Variants in CNTN6 observed in about 807,000 individuals in gnomAD.
The protein encoded by CNTN6 is contactin 6.
A neutral mutation model predicts 122.8 loss-of-function variants in CNTN6; 137 were observed. The observed-to-expected ratio is 1.12, with a 90% CI of 0.97 to 1.29. The LOEUF is 1.29. Ranked by LOEUF, CNTN6 falls within the 50% of genes most tolerant of loss-of-function variation. The pLI, the probability that CNTN6 is intolerant of heterozygous loss-of-function variation, is 0.00. For synonymous variants in CNTN6, 570 were observed against 426.0 expected, an observed-to-expected ratio of 1.34 and a Z score of -4.16; for missense variants, 1,634 against 1,223.4, an observed-to-expected ratio of 1.34 and a Z score of -5.01.
chr3:1,397,981 G>A (rs1433060259), intron 20 of CNTN6, among the ~76,000 whole-genome samples: 2 of 152,078 alleles, frequency 1.3e-5, no homozygotes, highest in African/African-American at 4.8e-5. Context: ...GAAACCATTA[G>A]AATTCTGAGG....
At chr3:1,156,691 CCCT>C (rs2092974352) in intron 2 of CNTN6, among the ~76,000 whole-genome samples, 1 of 56,618 alleles carries the variant, frequency 1.8e-5, no homozygotes, top group African/African-American at 1.0e-4. Flanking sequence ...TTCCCTCCCT[CCCT>C]TCCTTCCTTC....
intron 7 of CNTN6, among the ~76,000 whole-genome samples, chr3:1,298,916 C>A (rs1559749552): frequency 6.6e-6 from 1 of 152,128 alleles, no homozygotes; most frequent in East Asian, 1.9e-4. Context: ...CCTAATGTGG[C>A]CCTCACATTT....
chr3:1,163,753 T>A (rs1201686745), intron 2 of CNTN6, among the ~76,000 whole-genome samples: 1 of 152,176 alleles, frequency 6.6e-6, no homozygotes, highest in East Asian at 1.9e-4. Flanking sequence ...GTCAATGCGG[T>A]CAATCAGTTA....
rs561388764 is a variant in CNTN6 at position 1,099,274 on chromosome 3, A to G, written c.-83+6154A>G. On this transcript the variant is annotated intron_variant, in intron 1 of 22. Transcript: ENST00000446702. ...AGACCATCCTGGCTAACACGGTGAA[A>G]CCCCGTCTCTACCAAAAATACAAAA... Among the ~76,000 whole-genome samples the G allele has an allele frequency of 5.9e-5, 9 of 151,516 alleles. No individual in the cohort carries two copies. The South Asian group carries it at 6.3e-4, about 11-fold the overall frequency.
At chr3:1,277,095 G>A (rs1269688923) in intron 4 of CNTN6, among the ~76,000 whole-genome samples, 1 of 152,142 alleles carries the variant, frequency 6.6e-6, no homozygotes, top group Non-Finnish European at 1.5e-5. Flanking sequence ...GTGATCTCTG[G>A]TTAGACAAGC....
chr3:1,154,838 C>T (rs1374155133), intron 2 of CNTN6, among the ~76,000 whole-genome samples: 1 of 152,194 alleles, frequency 6.6e-6, no homozygotes, highest in Non-Finnish European at 1.5e-5. Context: ...AACAATCTGG[C>T]TTCTTCTGCC....
chr3:1,228,197 A>T (rs1030350569), intron 4 of CNTN6, among the ~76,000 whole-genome samples: 1 of 152,162 alleles, frequency 6.6e-6, no homozygotes, highest in Non-Finnish European at 1.5e-5. Context: ...AAAAACAGGG[A>T]AAAGATCAAT....
In CNTN6 at chr3:1,313,206, G is replaced by C. The variant is rs1435943401; in HGVS notation, c.762-8444G>C. ...TATTATTTATTAATAAAAAATTATA[G>C]ACAAGCTGTTAGTGAACTGCTAAGT... is the stretch of plus-strand genomic sequence containing the variant. On this transcript the variant is annotated intron_variant, in intron 7 of 22. Transcript: ENST00000446702. Among the ~76,000 whole-genome samples the C allele has an allele frequency of 2.6e-5, 4 of 152,180 alleles. No individual in the cohort carries two copies. In the South Asian group the frequency reaches 6.2e-4, roughly 24 times the overall value.
chr3:1,132,261 A>G (rs1266722260), intron 1 of CNTN6, among the ~76,000 whole-genome samples: 3 of 152,130 alleles, frequency 2.0e-5, no homozygotes, highest in African/African-American at 7.2e-5. Context: ...TTTGCAACCA[A>G]TAAGCCAAAA....
In CNTN6 at chr3:1,319,573, C is replaced by T. The variant is rs560599463; in HGVS notation, c.762-2077C>T. ...CACAATCAATATAAATAACTAAGAG[C>T]AGAGGGAAAAATACACAATTTTTAC... is the stretch of plus-strand genomic sequence containing the variant. On this transcript the variant is annotated intron_variant, in intron 7 of 22. Coordinates refer to ENST00000446702, the MANE Select transcript of CNTN6 (RefSeq NM_001289080.2). Among the ~76,000 whole-genome samples the T allele has an allele frequency of 5.3e-5, 8 of 151,448 alleles. No individual in the cohort carries two copies. The East Asian group carries it at 9.7e-4, about 18-fold the overall frequency.
intron 12 of CNTN6, among the ~76,000 whole-genome samples, chr3:1,365,663 T>C (rs1414361558): frequency 1.3e-5 from 2 of 152,064 alleles, no homozygotes; most frequent in African/African-American, 4.8e-5. Flanking sequence ...AATAAAATTT[T>C]AAAAATAAAT....
intron 4 of CNTN6, among the ~76,000 whole-genome samples, chr3:1,245,276 C>A (rs1179058356): frequency 1.4e-4 from 1 of 7,086 alleles, no homozygotes. Context: ...TATATATATA[C>A]ACACACATAT....
intron 11 of CNTN6, among the ~76,000 whole-genome samples, chr3:1,343,477 T>C (rs1208312991): frequency 6.6e-6 from 1 of 152,174 alleles, no homozygotes; most frequent in Non-Finnish European, 1.5e-5. Context: ...TTTATACTTA[T>C]AAATAATGTG....
intron 3 of CNTN6, among the ~76,000 whole-genome samples, chr3:1,223,793 C>A (rs1454690178): frequency 6.6e-5 from 10 of 152,194 alleles, no homozygotes; most frequent in Non-Finnish European, 1.5e-5. Context: ...GTCATGAACA[C>A]AACCTTAAGT....
intron 5 of CNTN6, among the ~76,000 whole-genome samples, chr3:1,283,053 A>G (rs142986714): frequency 0.013 from 1,955 of 152,092 alleles, 42 homozygotes; most frequent in African/African-American, 0.043. Context: ...GCTCACTGCA[A>G]TCTCCACCTC....
chr3:1,300,518 A>G (rs1697083781), intron 7 of CNTN6, among the ~76,000 whole-genome samples: 1 of 145,436 alleles, frequency 6.9e-6, no homozygotes, highest in Non-Finnish European at 1.5e-5. Context: ...AGAAAGAAAG[A>G]AAGAAAGATA....
intron 2 of CNTN6, among the ~76,000 whole-genome samples, chr3:1,193,868 A>C (rs1278279725): frequency 6.6e-6 from 1 of 152,186 alleles, no homozygotes; most frequent in Non-Finnish European, 1.5e-5. Flanking sequence ...TTAAGTGTTC[A>C]GATCAATACG....
chr3:1,193,772 A>C (rs2093735517), intron 2 of CNTN6, among the ~76,000 whole-genome samples: 1 of 152,134 alleles, frequency 6.6e-6, no homozygotes, highest in Non-Finnish European at 1.5e-5. Flanking sequence ...CTCTGTGAAC[A>C]TCAGATTTCA....
chr3:1,127,364 G>A lies in CNTN6; in HGVS notation c.-82-20563G>A, dbSNP rs540714852. Among the ~76,000 whole-genome samples the A allele has an allele frequency of 3.9e-5, 6 of 151,912 alleles. No individual in the cohort carries two copies. The East Asian group carries it at 1.2e-3, about 29-fold the overall frequency. On this transcript the variant is annotated intron_variant, in intron 1 of 22. Transcript: ENST00000446702. ...AAAAGGATAAATATTTAATAAGTTT[G>A]ATACTTCAGGTACAGTAAGTAAAAA...
Sources: allele counts gnomAD v4.1 joint callset (sites outside exome capture counted in the v4.1 genomes callset), GRCh38; gene constraint gnomAD v4.1.1; transcripts MANE v1.5; gene names NCBI Gene and HGNC (gene_info 2026-07-23, HGNC 2026-07-21).